The following RCC2 variants were observed in gnomAD, a reference collection of about 807,000 sequenced individuals.
RCC2 encodes protein RCC2.
Under a neutral mutation model 64.1 loss-of-function variants are expected in RCC2, and 19 were observed. The observed-to-expected ratio is 0.30, with a 90% confidence interval of 0.21 to 0.44. The LOEUF is 0.44. RCC2 is among the 20% of genes least tolerant of loss of function. The probability of loss-of-function intolerance (pLI) is 1.00; values close to 1 mark genes in which losing one functional copy is unlikely to be tolerated. For missense variants in RCC2, 508 were observed against 710.4 expected (o/e 0.72, Z 3.24); for synonymous variants, 325 against 279.6 (o/e 1.16, Z -1.62).
At chr1:17,439,108 C>G (rs887790879) in intron 1 of RCC2, among the ~76,000 whole-genome samples, 3 of 152,178 alleles carry the variant, frequency 2.0e-5, no homozygotes, top group Non-Finnish European at 4.4e-5. Flanking sequence ...TAGCCGAATC[C>G]CTACGGCGGA....
At chr1:17,414,461 C>T (rs999760826) in intron 8 of RCC2, among the ~76,000 whole-genome samples, 1 of 146,334 alleles carries the variant, frequency 6.8e-6, no homozygotes, top group Non-Finnish European at 1.5e-5. Flanking sequence ...ACCTGGGAGG[C>T]GGAGGCTGCA....
chr1:17,434,132 G>A (rs1472367720), intron 2 of RCC2, among the ~76,000 whole-genome samples: 3 of 152,212 alleles, frequency 2.0e-5, no homozygotes, highest in Non-Finnish European at 4.4e-5. Flanking sequence ...GTGTGACACT[G>A]CCATCAATAT....
rs1441064333 is a variant in RCC2 at position 17,431,651 on chromosome 1, T to C, written c.286-2452A>G. Among the ~76,000 whole-genome samples the C allele has an allele frequency of 2.0e-5, 3 of 151,764 alleles. No homozygotes were observed. The South Asian group carries it at 6.3e-4, about 32-fold the overall frequency. ...TAAGATTACACATCTTCATGACGGA[T>C]GATTTCCACTTCAATAGGAACCTTT... On this transcript the variant is annotated intron_variant, in intron 2 of 12. Coordinates refer to ENST00000375436, the MANE Select transcript of RCC2 (RefSeq NM_018715.4).
intron 2 of RCC2, among the ~76,000 whole-genome samples, chr1:17,431,893 G>GT (rs1388921628): frequency 1.3e-5 from 2 of 152,164 alleles, no homozygotes; most frequent in Non-Finnish European, 2.9e-5. Context: ...GCGGTCAGGA[G>GT]TTTGAGACCA....
rs2075563898 is a variant in RCC2, at chr1:17,422,230, C to T, written c.717G>A (p.Gln239=). The T allele has an allele frequency of 6.2e-7, 1 of 1,612,226 alleles. No individual in the cohort carries two copies. Among genetic ancestry groups the T allele is most frequent in the Admixed American group, 1.7e-5 (1 of 59,976 alleles). ...GCGCGGGGCTGGGAACAGCGTCTGTCTGGTTGCCAAGGCCCAGCTGCCCCA... is the reference window on the plus strand; with the variant it reads ...GCGCGGGGCTGGGAACAGCGTCTGTTTGGTTGCCAAGGCCCAGCTGCCCCA... ...NKMGQLGLGN[Q]TDAVPSPAQI... The change falls in exon 6 of 13, where the codon CAG becomes CAA. Residue 239 remains glutamine (Q), a synonymous_variant. Coordinates refer to ENST00000375436, the MANE Select transcript of RCC2 (RefSeq NM_018715.4).
intron 5 of RCC2, 72 bp downstream of exon 5, chr1:17,422,633 C>T (rs993414972): frequency 2.1e-5 from 33 of 1,577,854 alleles, no homozygotes; most frequent in African/African-American, 1.4e-4. Flanking sequence ...CACCACCCCA[C>T]GCCCCATCCC....
At chr1:17,410,126 T>C in intron 11 of RCC2, 75 bp from the exon 12 acceptor site, 1 of 1,342,050 alleles carries the variant, frequency 7.5e-7, no homozygotes, top group Non-Finnish European at 1.1e-6. Flanking sequence ...CACGGCAACA[T>C]TTCCTGGCCC....
At chr1:17,427,515 TG>T (rs1300027898) in intron 3 of RCC2, among the ~76,000 whole-genome samples, 2 of 152,212 alleles carry the variant, frequency 1.3e-5, no homozygotes, top group Admixed American at 6.5e-5. Flanking sequence ...ATTCAGGAAC[TG>T]TATTAAACAA....
At chr1:17,426,578 C>A (rs1414298442) in intron 3 of RCC2, among the ~76,000 whole-genome samples, 1 of 152,104 alleles carries the variant, frequency 6.6e-6, no homozygotes, top group Non-Finnish European at 1.5e-5. Context: ...CTGAGCCCCC[C>A]AGCCCTCCCA....
At position 17,422,847 on chromosome 1, in the gene RCC2, C is replaced by T. The variant is rs766709324; in HGVS notation, c.524-11G>A. ...CCTTCTCATTTCGACCTGCAGATCA[C>T]ATGAGAGAAAGTAGAAAAGAGAGAG... is the stretch of plus-strand genomic sequence containing the variant. On this transcript the variant is annotated splice_polypyrimidine_tract_variant and intron_variant, in intron 4 of 12. Transcript: ENST00000375436. The T allele has an allele frequency of 6.2e-7, 1 of 1,613,882 alleles. No homozygotes were observed. Among genetic ancestry groups the T allele is most frequent in the Admixed American group, 1.7e-5 (1 of 60,016 alleles).
chr1:17,439,324 T>C (rs1378524863), intron 1 of RCC2, among the ~76,000 whole-genome samples: 2 of 142,210 alleles, frequency 1.4e-5, no homozygotes, highest in East Asian at 2.1e-4. Context: ...CGCTCTCCCC[T>C]GTCTGCTTTT....
intron 4 of RCC2, among the ~76,000 whole-genome samples, chr1:17,423,998 C>T (rs2075585783): frequency 6.6e-6 from 1 of 152,172 alleles, no homozygotes; most frequent in Middle Eastern, 3.2e-3. Flanking sequence ...GGCACTCGAG[C>T]AGGAGAGGCA....
At chr1:17,431,909 G>A (rs912198952) in intron 2 of RCC2, among the ~76,000 whole-genome samples, 6 of 152,090 alleles carry the variant, frequency 3.9e-5, no homozygotes, top group Non-Finnish European at 7.3e-5. Context: ...GACCAGCCTG[G>A]CCAACATGGT....
At chr1:17,438,629 C>A in intron 1 of RCC2, 107 bp from the exon 2 acceptor site, 1 of 1,136,554 alleles carries the variant, frequency 8.8e-7, no homozygotes, top group East Asian at 3.2e-5. Context: ...CTCTGCCCTC[C>A]CCAAAGTGGC....
intron 7 of RCC2, 123 bp from the exon 8 acceptor site, chr1:17,416,769 C>T: frequency 1.1e-6 from 1 of 949,050 alleles, no homozygotes; most frequent in Non-Finnish European, 1.5e-6. Flanking sequence ...GGGCCTTAGA[C>T]CAGCACACGT....
chr1:17,407,724 T>C lies in RCC2; in HGVS notation c.*1366A>G, dbSNP rs2075377834. On this transcript the variant is annotated 3_prime_UTR_variant, in exon 13 of 13. Transcript: ENST00000375436. ...AACAAAGCAAAAGAAAAAAAAAACT[T>C]GAAGAGACCAATATTTAACTTTCCC... The C allele has an allele frequency of 6.6e-6, 1 of 151,978 alleles. No individual in the cohort carries two copies. Among genetic ancestry groups the C allele is most frequent in the African/African-American group, 2.4e-5 (1 of 41,246 alleles). The allele number at this position is 151,978 out of a possible 1,614,324, so 9.4% of individuals were successfully genotyped here. A position where few individuals can be genotyped will look rare whatever the true frequency, so the allele number is the denominator to read the frequency against.
chr1:17,431,359 A>ATATATATATATATATAT (rs1265674393), intron 2 of RCC2, among the ~76,000 whole-genome samples: 7 of 44,928 alleles, frequency 1.6e-4, no homozygotes, highest in South Asian at 7.3e-4. Context: ...AAAAAAAAAA[A>ATATATATATATATATAT]ATATATATAT....
chr1:17,409,536 C>CCT (rs796865935), intron 12 of RCC2, among the ~76,000 whole-genome samples: 31 of 152,328 alleles, frequency 2.0e-4, no homozygotes, highest in African/African-American at 7.5e-4. Context: ...GTGCACCACC[C>CCT]CTCTCTGTGT....
At chr1:17,419,184 G>A (rs772436281) in intron 7 of RCC2, among the ~76,000 whole-genome samples, 1 of 152,096 alleles carries the variant, frequency 6.6e-6, no homozygotes, top group African/African-American at 2.4e-5. Flanking sequence ...GTGAAACCCC[G>A]TCTCTACTAA....
Sources: gnomAD v4.1 joint callset for allele counts (sites outside exome capture counted in the v4.1 genomes callset) on GRCh38, gnomAD v4.1.1 for gene constraint, MANE v1.5 for transcripts, NCBI Gene and HGNC (gene_info 2026-07-23, HGNC 2026-07-21) for gene names.